Variants in SLC71A2 observed in about 807,000 individuals in gnomAD.
SLC71A2 encodes the protein hippocampus abundant transcript-like 1.
the SLC71A2 span, chr9:94,444,830 A>G: frequency 7.1e-6 from 5 of 703,918 alleles, no homozygotes; most frequent in Non-Finnish European, 1.3e-5. Flanking sequence ...GGCTGCAGGT[A>G]TGCACCTGTG....
chr9:94,446,960 CTTTCAAT>C, the SLC71A2 span: 25 of 1,077,332 alleles, frequency 2.3e-5, no homozygotes, highest in Non-Finnish European at 3.4e-5. Flanking sequence ...GGCTAGTAGC[CTTTCAAT>C]ACCAGGAAAA....
the SLC71A2 span, among the ~76,000 whole-genome samples, chr9:94,455,495 A>G: frequency 1.3e-5 from 2 of 149,796 alleles, no homozygotes; most frequent in Non-Finnish European, 2.9e-5. Context: ...GATTACAGTC[A>G]TGAGCCACTG....
At chr9:94,419,118 G>A in the SLC71A2 span, among the ~76,000 whole-genome samples, 9 of 144,580 alleles carry the variant, frequency 6.2e-5, no homozygotes, top group Admixed American at 5.5e-4. Flanking sequence ...GCAATTTTGG[G>A]TTTTTTTTTT....
the SLC71A2 span, chr9:94,458,174 C>T: frequency 6.9e-6 from 4 of 578,606 alleles, no homozygotes; most frequent in South Asian, 8.3e-5. Context: ...TGGATAAAGT[C>T]TTCCTAATCT....
the SLC71A2 span, among the ~76,000 whole-genome samples, chr9:94,438,118 A>G: frequency 2.4e-4 from 37 of 151,990 alleles, no homozygotes; most frequent in Non-Finnish European, 4.7e-4. Flanking sequence ...TTGTATTTTT[A>G]GTAGAGACGA....
the SLC71A2 span, among the ~76,000 whole-genome samples, chr9:94,458,135 T>C: frequency 6.6e-6 from 1 of 152,212 alleles, no homozygotes; most frequent in African/African-American, 2.4e-5. Context: ...TTTTATATGG[T>C]TTTATTAGTT....
chr9:94,428,588 ATACCCCCCCCCCT>A, the SLC71A2 span, among the ~76,000 whole-genome samples: 15 of 125,006 alleles, frequency 1.2e-4, no homozygotes, highest in Admixed American at 4.9e-4. Context: ...CTACATATGC[ATACCCCCCCCCCT>A]TTTTTTTTTT....
At chr9:94,445,022 C>A in the SLC71A2 span, 2 of 1,614,204 alleles carry the variant, frequency 1.2e-6, no homozygotes, top group Non-Finnish European at 1.7e-6. Flanking sequence ...GCATATCTTT[C>A]TGCCAGTTAC....
the SLC71A2 span, among the ~76,000 whole-genome samples, chr9:94,453,261 T>C: frequency 1.3e-5 from 2 of 151,688 alleles, no homozygotes; most frequent in Non-Finnish European, 2.9e-5. Flanking sequence ...GTGATTCTAC[T>C]GCCTCAGCCT....
the SLC71A2 span, chr9:94,446,822 G>C: frequency 6.5e-7 from 1 of 1,535,366 alleles, no homozygotes; most frequent in South Asian, 1.1e-5. Context: ...CTTATTCTCA[G>C]TCGTTGAAGA....
the SLC71A2 span, among the ~76,000 whole-genome samples, chr9:94,375,654 T>C: frequency 3.9e-5 from 6 of 152,036 alleles, no homozygotes; most frequent in African/African-American, 1.5e-4. Context: ...ACCTGAAATA[T>C]AGAGAATGTT....
the SLC71A2 span, among the ~76,000 whole-genome samples, chr9:94,414,397 G>C: frequency 6.6e-6 from 1 of 151,970 alleles, no homozygotes; most frequent in East Asian, 1.9e-4. Flanking sequence ...AAACATCTCT[G>C]GAATTGAGAT....
the SLC71A2 span, chr9:94,438,428 C>T: frequency 5.0e-6 from 8 of 1,614,108 alleles, no homozygotes; most frequent in Admixed American, 1.7e-5. Context: ...GAGTGCCCCA[C>T]TCATTGGTGC....
At chr9:94,436,107 C>A in the SLC71A2 span, among the ~76,000 whole-genome samples, 7 of 152,164 alleles carry the variant, frequency 4.6e-5, no homozygotes, top group African/African-American at 1.7e-4. Flanking sequence ...ATAGTTGTTA[C>A]ACTGTATTTT....
At chr9:94,445,350 G>T in the SLC71A2 span, among the ~76,000 whole-genome samples, 11 of 152,244 alleles carry the variant, frequency 7.2e-5, no homozygotes, top group African/African-American at 2.6e-4. Flanking sequence ...TTTGTATTAA[G>T]AAATATATAG....
At chr9:94,403,222 C>T in the SLC71A2 span, among the ~76,000 whole-genome samples, 4 of 152,124 alleles carry the variant, frequency 2.6e-5, no homozygotes, top group Non-Finnish European at 4.4e-5. Context: ...CTGCAACCTC[C>T]GCCTGCCGGG....
the SLC71A2 span, among the ~76,000 whole-genome samples, chr9:94,447,303 C>T: frequency 6.6e-6 from 1 of 151,900 alleles, no homozygotes; most frequent in South Asian, 2.1e-4. Context: ...TCTCAGCCTC[C>T]CGAGTAGCTG....
chr9:94,459,200 TGTATA>T, the SLC71A2 span: 1 of 1,614,096 alleles, frequency 6.2e-7, no homozygotes, highest in Non-Finnish European at 8.5e-7. Context: ...ATTTGGGGCA[TGTATA>T]GTCCTTATGT....
chr9:94,420,096 C>T, the SLC71A2 span, among the ~76,000 whole-genome samples: 1 of 152,188 alleles, frequency 6.6e-6, no homozygotes, highest in Non-Finnish European at 1.5e-5. Flanking sequence ...TGTGCAGCTT[C>T]TGATGGCCAA....
Sources: gnomAD v4.1 joint callset for allele counts (sites outside exome capture counted in the v4.1 genomes callset) on GRCh38, gnomAD v4.1.1 for gene constraint, MANE v1.5 for transcripts, NCBI Gene and HGNC (gene_info 2026-07-23, HGNC 2026-07-21) for gene names.